The following SLC9D1 variants were observed in gnomAD, a reference collection of about 807,000 sequenced individuals.
SLC9D1 encodes solute carrier family 9 member D1.
chr13:113,491,087 A>ACTCCCGGACTCCCGGC, the SLC9D1 span: 2 of 153,344 alleles, frequency 1.3e-5, no homozygotes, highest in African/African-American at 2.4e-5. Context: ...TCCCTCCCGG[A>ACTCCCGGACTCCCGGC]CTCCCGGCCT....
the SLC9D1 span, among the ~76,000 whole-genome samples, chr13:113,541,654 ATT>A: frequency 1.4e-5 from 2 of 138,530 alleles, no homozygotes; most frequent in African/African-American, 5.4e-5. Context: ...GCCATGCTTT[ATT>A]ACCGCCGAGA....
At chr13:113,548,464 C>A in the SLC9D1 span, 15 of 1,596,396 alleles carry the variant, frequency 9.4e-6, no homozygotes, top group East Asian at 2.7e-4. Flanking sequence ...TGAGTGGCTT[C>A]CCCCCGCGGA....
the SLC9D1 span, among the ~76,000 whole-genome samples, chr13:113,526,357 A>C: frequency 6.6e-6 from 1 of 152,234 alleles, no homozygotes; most frequent in Non-Finnish European, 1.5e-5. Context: ...AAAACCTTAA[A>C]GTTTATAAAG....
chr13:113,529,024 G>C, the SLC9D1 span: 3 of 152,202 alleles, frequency 2.0e-5, no homozygotes, highest in African/African-American at 7.2e-5. Context: ...CCCTGGCAGA[G>C]ACTGCAGGGC....
the SLC9D1 span, among the ~76,000 whole-genome samples, chr13:113,509,735 C>T: frequency 0.025 from 3,857 of 152,262 alleles, 101 homozygotes; most frequent in East Asian, 0.12. Context: ...GTTTATATGT[C>T]GGTAGTTTTT....
the SLC9D1 span, chr13:113,498,406 T>G: frequency 6.3e-7 from 1 of 1,580,676 alleles, no homozygotes; most frequent in Non-Finnish European, 8.5e-7. Flanking sequence ...CTTAAAAATA[T>G]GCAACATCAA....
chr13:113,519,175 C>T, the SLC9D1 span, among the ~76,000 whole-genome samples: 1 of 152,084 alleles, frequency 6.6e-6, no homozygotes, highest in East Asian at 1.9e-4. Flanking sequence ...TCCCAAGTAG[C>T]TGGGACTGCA....
At chr13:113,494,799 G>A in the SLC9D1 span, among the ~76,000 whole-genome samples, 8 of 152,094 alleles carry the variant, frequency 5.3e-5, no homozygotes, top group African/African-American at 9.7e-5. Flanking sequence ...CTGGAGTGAC[G>A]TTGAGCATGG....
At chr13:113,526,131 C>T in the SLC9D1 span, among the ~76,000 whole-genome samples, 25,463 of 146,918 alleles carry the variant, frequency 0.17, 3,391 homozygotes, top group African/African-American at 0.34. Flanking sequence ...GGACAGGATG[C>T]GGACGTGGAA....
the SLC9D1 span, chr13:113,504,642 C>T: frequency 6.6e-6 from 1 of 152,236 alleles, no homozygotes; most frequent in Admixed American, 6.5e-5. Context: ...CAGTTCCATC[C>T]AGGTTGCTAC....
chr13:113,539,518 T>A, the SLC9D1 span: 14,622 of 1,610,044 alleles, frequency 9.1e-3, 637 homozygotes, highest in African/African-American at 0.12. The surrounding 1 kb of genome is among the most constrained non-coding windows in gnomAD (Gnocchi z 4.8). Context: ...GTAATCTTCC[T>A]TCTTTACATT....
chr13:113,507,531 A>G, the SLC9D1 span, among the ~76,000 whole-genome samples: 4 of 152,164 alleles, frequency 2.6e-5, no homozygotes, highest in African/African-American at 9.7e-5. Flanking sequence ...TAAAGATATG[A>G]TTAGAAACTA....
the SLC9D1 span, among the ~76,000 whole-genome samples, chr13:113,501,509 C>A: frequency 6.6e-6 from 1 of 152,124 alleles, no homozygotes. Flanking sequence ...CCCAAAGATA[C>A]CGAGGGGTGA....
At chr13:113,512,743 G>A in the SLC9D1 span, among the ~76,000 whole-genome samples, 1 of 121,502 alleles carries the variant, frequency 8.2e-6, no homozygotes, top group Admixed American at 1.0e-4. Context: ...TGTAGACGGA[G>A]AGAGTCAGTA....
chr13:113,508,683 G>C, the SLC9D1 span, among the ~76,000 whole-genome samples: 1 of 152,270 alleles, frequency 6.6e-6, no homozygotes, highest in African/African-American at 2.4e-5. Flanking sequence ...AAGTGAGCCC[G>C]GGCCTCATGG....
At chr13:113,507,552 T>C in the SLC9D1 span, among the ~76,000 whole-genome samples, 1 of 152,200 alleles carries the variant, frequency 6.6e-6, no homozygotes, top group African/African-American at 2.4e-5. Flanking sequence ...CTTGGAACAC[T>C]GAAGCCCCGA....
the SLC9D1 span, among the ~76,000 whole-genome samples, chr13:113,543,028 CG>C: frequency 7.6e-6 from 1 of 132,112 alleles, no homozygotes. Flanking sequence ...TCTGCACCCC[CG>C]GCCCTCCGTG....
the SLC9D1 span, among the ~76,000 whole-genome samples, chr13:113,517,264 G>T: frequency 6.6e-6 from 1 of 152,060 alleles, no homozygotes; most frequent in Non-Finnish European, 1.5e-5. Context: ...GAGGAGTCTC[G>T]CTCTGTCGCC....
At chr13:113,500,057 C>G in the SLC9D1 span, 2 of 1,594,288 alleles carry the variant, frequency 1.3e-6, no homozygotes, top group Non-Finnish European at 1.7e-6. Flanking sequence ...TGACTTGGGT[C>G]TTAGCATGCT....
Sources: allele counts gnomAD v4.1 joint callset (sites outside exome capture counted in the v4.1 genomes callset), GRCh38; gene constraint gnomAD v4.1.1; non-coding constraint Gnocchi (gnomAD v3.1); transcripts MANE v1.5; gene names NCBI Gene and HGNC (gene_info 2026-07-23, HGNC 2026-07-21).